The following TANK variants were observed in gnomAD, a reference collection of about 807,000 sequenced individuals.
The protein encoded by TANK is TRAF family member-associated NF-kappa-B activator.
A neutral mutation model predicts 43.6 loss-of-function variants in TANK; 15 were observed. That is an observed-to-expected ratio of 0.34 (90% CI 0.23 to 0.53). TANK has a LOEUF of 0.53. TANK is among the 20% of genes least tolerant of loss of function. TANK has a pLI of 0.94. For synonymous variants in TANK, 162 were observed against 178.2 expected (o/e 0.91, Z 0.73); for missense variants, 417 against 498.6 (o/e 0.84, Z 1.56).
intron 1 of TANK, chr2:161,137,098 AC>A (rs1039519077): frequency 5.1e-6 from 5 of 985,340 alleles, no homozygotes. Context: ...CTGATTCTTA[AC>A]CTAGGAAAGG....
At chr2:161,212,778 A>G in intron 4 of TANK, 1 of 985,302 alleles carries the variant, frequency 1.0e-6, no homozygotes, top group African/African-American at 1.7e-5. Flanking sequence ...AAGGAATGAA[A>G]GGCTGTTCTC....
intron 4 of TANK, among the ~76,000 whole-genome samples, chr2:161,210,514 A>C (rs1262495985): frequency 6.6e-6 from 1 of 151,916 alleles, no homozygotes; most frequent in African/African-American, 2.4e-5. Context: ...TTATATAACA[A>C]AATGAAACCC....
chr2:161,156,355 T>C (rs1248382857), upstream of TANK: 1 of 985,316 alleles, frequency 1.0e-6, no homozygotes, highest in African/African-American at 1.7e-5. Flanking sequence ...AGACTTAACT[T>C]ATCCAACTTT....
intron 1 of TANK, among the ~76,000 whole-genome samples, chr2:161,178,887 A>C (rs376527788): frequency 6.6e-6 from 1 of 152,162 alleles, no homozygotes; most frequent in African/African-American, 2.4e-5. Context: ...GAAGAATCAG[A>C]GTCATTAGTT....
intron 2 of TANK, among the ~76,000 whole-genome samples, chr2:161,190,485 C>A (rs1259791561): frequency 1.3e-5 from 2 of 152,150 alleles, no homozygotes; most frequent in Non-Finnish European, 2.9e-5. Flanking sequence ...AGCAAGGACT[C>A]AATTGGATAT....
chr2:161,177,950 C>T (rs1685241982), intron 1 of TANK, among the ~76,000 whole-genome samples: 1 of 152,080 alleles, frequency 6.6e-6, no homozygotes, highest in African/African-American at 2.4e-5. Context: ...AACTGCAAAT[C>T]AAAACCTTGA....
At chr2:161,161,235 A>G in intron 1 of TANK, 1 of 1,545,626 alleles carries the variant, frequency 6.5e-7, no homozygotes. Flanking sequence ...TATAACGAGC[A>G]AAAGTAAAGC....
intron 2 of TANK, among the ~76,000 whole-genome samples, chr2:161,186,197 A>T (rs1685657777): frequency 6.6e-6 from 1 of 152,216 alleles, no homozygotes; most frequent in Non-Finnish European, 1.5e-5. Flanking sequence ...CAAAAAAAGT[A>T]AAACAACGAA....
chr2:161,221,582 T>C (rs1296045160), intron 4 of TANK, among the ~76,000 whole-genome samples: 2 of 152,070 alleles, frequency 1.3e-5, no homozygotes, highest in Admixed American at 1.3e-4. Flanking sequence ...ATCAGACTGC[T>C]ATAATGGAAA....
At chr2:161,143,295 C>T (rs1369657214) in intron 1 of TANK, among the ~76,000 whole-genome samples, 4 of 152,126 alleles carry the variant, frequency 2.6e-5, no homozygotes, top group African/African-American at 9.7e-5. Context: ...TCTTCTCTTC[C>T]TATCTGAATA....
chr2:161,186,031 A>G (rs1431351214), intron 2 of TANK, among the ~76,000 whole-genome samples: 1 of 152,154 alleles, frequency 6.6e-6, no homozygotes, highest in Non-Finnish European at 1.5e-5. Context: ...TTAGCTGGAC[A>G]TGGTGGTATG....
Position 161,204,696 on chromosome 2 carries a change from C to G in TANK, c.230C>G (p.Pro77Arg). 1 of 1,609,690 alleles carries G rather than the reference C, an allele frequency of 6.2e-7. No homozygotes were observed. Among genetic ancestry groups the G allele is most frequent in the Non-Finnish European group, 8.5e-7 (1 of 1,178,302 alleles). ...STQDNNYGCV[P>R]LLEDSETRKN... Reference sequence around the variant, plus strand: ...GCAGATAACAATTATGGCTGTGTTCCTCTGCTTGAAGACAGTGAAACAAGA... The same window carrying G: ...GCAGATAACAATTATGGCTGTGTTCGTCTGCTTGAAGACAGTGAAACAAGA... The change falls in exon 4 of 8, where the codon CCT becomes CGT. Residue 77 changes from proline (P) to arginine (R), a missense_variant. Physicochemically the swap from Pro to Arg is moderately radical, Grantham distance 103. Transcript: ENST00000392749.
intron 1 of TANK, among the ~76,000 whole-genome samples, chr2:161,173,343 T>A (rs1450318087): frequency 6.6e-6 from 1 of 152,198 alleles, no homozygotes; most frequent in East Asian, 1.9e-4. Context: ...TCAGGGCCTC[T>A]GCTCTTTCAG....
chr2:161,171,422 A>G (rs1302886553), intron 1 of TANK, among the ~76,000 whole-genome samples: 1 of 152,210 alleles, frequency 6.6e-6, no homozygotes, highest in South Asian at 2.1e-4. Flanking sequence ...AATTACTTCT[A>G]ATAAAACAAG....
chr2:161,155,869 C>G (rs1374754382), upstream of TANK, among the ~76,000 whole-genome samples: 1 of 152,096 alleles, frequency 6.6e-6, no homozygotes, highest in Non-Finnish European at 1.5e-5. Flanking sequence ...GTATAGACAC[C>G]AAGTTCTTTA....
chr2:161,154,570 T>C (rs1684170878), intron 1 of TANK, among the ~76,000 whole-genome samples: 1 of 152,080 alleles, frequency 6.6e-6, no homozygotes. Flanking sequence ...TGGAGATAGA[T>C]AGTAGCAATG....
chr2:161,231,529 A>C lies in TANK; in HGVS notation c.1079A>C (p.Lys360Thr), dbSNP rs1687910015. 6.2e-7 allele frequency: 1 copy of C among 1,612,462 alleles called. No homozygotes were observed. ...APFPSLDSPG[K>T]AIRGPQQPIW... ...TTTCCCTCACTCGATTCCCCGGGAA[A>C]AGCAATCCGAGGACCACAGCAGGTA... Residue 360 changes from lysine to threonine, a missense_variant, in exon 7 of 8, where the codon AAA (lysine) becomes ACA (threonine). Transcript: ENST00000392749.
chr2:161,168,748 G>A (rs1428950396), intron 1 of TANK, among the ~76,000 whole-genome samples: 2 of 152,146 alleles, frequency 1.3e-5, no homozygotes, highest in African/African-American at 2.4e-5. Flanking sequence ...CACAAGAATC[G>A]CTTGAATCCC....
At chr2:161,174,128 A>G (rs1363148436) in intron 1 of TANK, among the ~76,000 whole-genome samples, 2 of 152,158 alleles carry the variant, frequency 1.3e-5, no homozygotes, top group Non-Finnish European at 2.9e-5. Flanking sequence ...TTTACTGTAT[A>G]TATGGTCTCA....
Sources: gnomAD v4.1 joint callset for allele counts (sites outside exome capture counted in the v4.1 genomes callset) on GRCh38, gnomAD v4.1.1 for gene constraint, MANE v1.5 for transcripts, NCBI Gene and HGNC (gene_info 2026-07-23, HGNC 2026-07-21) for gene names.